The following PLEKHA7 variants were observed in gnomAD, a reference collection of about 807,000 sequenced individuals.
PLEKHA7 encodes the protein pleckstrin homology domain-containing family A member 7.
PLEKHA7 carries 104 observed loss-of-function variants against 170.0 expected under a neutral mutation model. The observed-to-expected ratio is 0.61, with a 90% confidence interval of 0.52 to 0.72. The LOEUF is 0.72. PLEKHA7 is among the 30% of genes least tolerant of loss of function. The probability of loss-of-function intolerance (pLI) is 0.00; values close to 1 mark genes in which losing one functional copy is unlikely to be tolerated. For synonymous variants in PLEKHA7, 648 were observed against 660.8 expected, an observed-to-expected ratio of 0.98 and a Z score of 0.30; for missense variants, 1,615 against 1,671.7, an observed-to-expected ratio of 0.97 and a Z score of 0.59.
intron 3 of PLEKHA7, among the ~76,000 whole-genome samples, chr11:16,970,887 T>C (rs544180569): frequency 1.9e-4 from 29 of 152,322 alleles, no homozygotes; most frequent in African/African-American, 6.7e-4. Context: ...ATTATAAATA[T>C]TTTTTCCTTC....
At chr11:16,915,550 C>G (rs1430792511) in intron 3 of PLEKHA7, among the ~76,000 whole-genome samples, 1 of 130,030 alleles carries the variant, frequency 7.7e-6, no homozygotes, top group South Asian at 2.5e-4. Context: ...GTGTGATGTT[C>G]CCCTTCCTGT....
In PLEKHA7 at chr11:16,803,059, G is replaced by A. The variant is rs1362160520; in HGVS notation, c.2077-7C>T. On this transcript the variant is annotated splice_region_variant and splice_polypyrimidine_tract_variant and intron_variant, in intron 14 of 26. Transcript: ENST00000531066. ...AGAAGATGCTCAGTTTGACCTAAAA[G>A]CAAGAACAGGTGGAGAGGGCCTGGG... The A allele has an allele frequency of 6.2e-7, 1 of 1,613,012 alleles. No individual in the cohort carries two copies. Among genetic ancestry groups the A allele is most frequent in the South Asian group, 1.1e-5 (1 of 91,046 alleles).
intron 3 of PLEKHA7, among the ~76,000 whole-genome samples, chr11:16,931,758 C>G (rs1232543011): frequency 1.4e-5 from 2 of 138,008 alleles, no homozygotes; most frequent in Non-Finnish European, 3.0e-5. Context: ...GATTCCATCC[C>G]CCCCCCCCCA....
chr11:16,904,992 C>T (rs1487305169), intron 3 of PLEKHA7, among the ~76,000 whole-genome samples: 1 of 152,156 alleles, frequency 6.6e-6, no homozygotes, highest in Non-Finnish European at 1.5e-5. Context: ...GTGACTCACG[C>T]CTGTAATCTC....
chr11:16,798,964 C>T (rs1456915643), intron 17 of PLEKHA7, among the ~76,000 whole-genome samples: 4 of 152,178 alleles, frequency 2.6e-5, no homozygotes, highest in Non-Finnish European at 4.4e-5. Flanking sequence ...TAGTATGTAA[C>T]AGTCAAGAAA....
At chr11:16,795,214 G>A (rs1055063520) in intron 17 of PLEKHA7, 196 bp from the exon 18 acceptor site, 3 of 561,346 alleles carry the variant, frequency 5.3e-6, no homozygotes, top group African/African-American at 3.8e-5. Flanking sequence ...ACGATCCAGG[G>A]AGAAATTTCA....
rs567130563 is a variant in PLEKHA7, at chr11:16,981,394, T to C, written c.221+32595A>G. On this transcript the variant is annotated intron_variant, in intron 3 of 26. Transcript: ENST00000531066. Reference sequence around the variant, plus strand: ...TGCTACCACCAGGATTCCAACCCAGTTGGCCTGACTTCAGAGCCAGTGTTC... The same window carrying C: ...TGCTACCACCAGGATTCCAACCCAGCTGGCCTGACTTCAGAGCCAGTGTTC... Among the ~76,000 whole-genome samples the C allele has an allele frequency of 2.7e-3, 411 of 152,276 alleles. 2 individuals carry two copies. The highest frequency in any genetic ancestry group is 3.1e-3 in the Non-Finnish European group (213 of 68,020).
At chr11:16,784,642 T>A (rs989685140) in intron 24 of PLEKHA7, among the ~76,000 whole-genome samples, 1 of 152,154 alleles carries the variant, frequency 6.6e-6, no homozygotes, top group Non-Finnish European at 1.5e-5. Flanking sequence ...CTCCAGGAAC[T>A]TTTTCCTCCC....
intron 3 of PLEKHA7, among the ~76,000 whole-genome samples, chr11:16,983,996 C>A (rs1215139758): frequency 6.6e-6 from 1 of 152,156 alleles, no homozygotes; most frequent in Non-Finnish European, 1.5e-5. Flanking sequence ...GAGAGGGTCA[C>A]TTGAGCCCAG....
chr11:16,897,527 G>GT (rs561827017), intron 3 of PLEKHA7, among the ~76,000 whole-genome samples: 5 of 152,328 alleles, frequency 3.3e-5, no homozygotes, highest in Non-Finnish European at 7.3e-5. Context: ...GGGACTGGTG[G>GT]TAAGTGGCAG....
At chr11:16,848,501 T>C (rs1371079250) in intron 8 of PLEKHA7, among the ~76,000 whole-genome samples, 5 of 152,250 alleles carry the variant, frequency 3.3e-5, no homozygotes, top group African/African-American at 1.2e-4. Flanking sequence ...TATTGAAATA[T>C]AGTTCTTAAA....
At chr11:16,893,112 T>C (rs2135960376) in intron 3 of PLEKHA7, among the ~76,000 whole-genome samples, 1 of 152,360 alleles carries the variant, frequency 6.6e-6, no homozygotes, top group Middle Eastern at 3.4e-3. Flanking sequence ...CTTGTAATAT[T>C]TGCATGTATT....
rs1399950661 is a variant in PLEKHA7 at position 16,841,554 on chromosome 11, G to A, written c.865C>T (p.Leu289=). Residue 289 remains leucine, a synonymous_variant, in exon 9 of 27, where the codon CTG becomes TTG. Transcript: ENST00000531066. ...QAAQVLSRSS[L]KRDMEKVERQ... is the part of the protein sequence containing the mutation. Reference sequence around the variant, plus strand: ...CCCTCCATCAGAACTAACCTCTTCAGTGACGATCGAGACAGCACCTGTGCA... The same window carrying A: ...CCCTCCATCAGAACTAACCTCTTCAATGACGATCGAGACAGCACCTGTGCA... The A allele has an allele frequency of 1.2e-6, 2 of 1,613,164 alleles. No homozygotes were observed. The highest frequency in any genetic ancestry group is 3.3e-5 in the Admixed American group (2 of 59,996).
intron 3 of PLEKHA7, among the ~76,000 whole-genome samples, chr11:16,904,224 T>C (rs1857513673): frequency 6.6e-6 from 1 of 152,234 alleles, no homozygotes; most frequent in Non-Finnish European, 1.5e-5. Flanking sequence ...TCATTCTCCA[T>C]GCACAAGCAA....
At chr11:16,964,587 G>A (rs1024600038) in intron 3 of PLEKHA7, among the ~76,000 whole-genome samples, 2 of 152,208 alleles carry the variant, frequency 1.3e-5, no homozygotes, top group Non-Finnish European at 2.9e-5. Context: ...TGCAACCAGA[G>A]AAGCAACTAG....
intron 3 of PLEKHA7, among the ~76,000 whole-genome samples, chr11:16,887,354 G>A (rs1213753026): frequency 2.6e-5 from 2 of 75,512 alleles, no homozygotes; most frequent in East Asian, 1.2e-3. Flanking sequence ...CTCTCCCCAC[G>A]GTCTGCCTCT....
At chr11:16,892,440 T>TGTGTGTGTGTGTGTGTGTGTGTG (rs749414406) in intron 3 of PLEKHA7, among the ~76,000 whole-genome samples, 5 of 102,536 alleles carry the variant, frequency 4.9e-5, no homozygotes, top group African/African-American at 1.6e-4. Context: ...GTGTGTTTTG[T>TGTGTGTGTGTGTGTGTGTGTGTG]TTTGTTTTGT....
chr11:16,979,140 C>A (rs754255947), intron 3 of PLEKHA7, among the ~76,000 whole-genome samples: 20 of 152,318 alleles, frequency 1.3e-4, no homozygotes, highest in Non-Finnish European at 2.8e-4. Flanking sequence ...CGGGTTCAAG[C>A]AATTCTCCTG....
intron 20 of PLEKHA7, 41 bp from the exon 21 acceptor site, chr11:16,790,956 C>T (rs75824410): frequency 6.2e-7 from 1 of 1,613,896 alleles, no homozygotes; most frequent in Non-Finnish European, 8.5e-7. Context: ...GCCAGTGTCA[C>T]ACCCCTTTAC....
Sources: allele counts gnomAD v4.1 joint callset (sites outside exome capture counted in the v4.1 genomes callset), GRCh38; gene constraint gnomAD v4.1.1; transcripts MANE v1.5; gene names NCBI Gene and HGNC (gene_info 2026-07-23, HGNC 2026-07-21).